The following EYS variants were observed in gnomAD, a reference collection of about 807,000 sequenced individuals.
EYS encodes EGF-like photoreceptor maintenance factor.
EYS carries 250 observed loss-of-function variants against 282.1 expected under a neutral mutation model. That is an observed-to-expected ratio of 0.89 (90% CI 0.80 to 0.98). EYS has a LOEUF of 0.98. Among genes scored for constraint, EYS ranks in the 50% least tolerant of loss-of-function variants. The pLI is 0.00. For missense variants in EYS, 4,016 were observed against 3,709.0 expected, an observed-to-expected ratio of 1.08 and a Z score of -2.15; for synonymous variants, 1,355 against 1,282.9, an observed-to-expected ratio of 1.06 and a Z score of -1.20.
chr6:64,764,342 C>T (rs573926385), intron 22 of EYS, among the ~76,000 whole-genome samples: 24 of 152,334 alleles, frequency 1.6e-4, no homozygotes, highest in Non-Finnish European at 2.5e-4. Flanking sequence ...CCCAACACCA[C>T]GTGGAAGCTG....
intron 40 of EYS, among the ~76,000 whole-genome samples, chr6:63,765,041 G>A (rs1449087976): frequency 1.3e-5 from 2 of 150,394 alleles, no homozygotes; most frequent in Non-Finnish European, 1.5e-5. Context: ...ATACTACTCT[G>A]CCCTGAGGAG....
At chr6:65,522,227 T>C (rs1767400743) in intron 2 of EYS, among the ~76,000 whole-genome samples, 1 of 152,190 alleles carries the variant, frequency 6.6e-6, no homozygotes, top group African/African-American at 2.4e-5. Context: ...GAAAATAAGA[T>C]TCTATATATT....
intron 26 of EYS, among the ~76,000 whole-genome samples, chr6:64,462,002 A>T (rs943725740): frequency 4.6e-5 from 7 of 152,256 alleles, no homozygotes; most frequent in African/African-American, 1.7e-4. Flanking sequence ...TATATTACTT[A>T]TCTATATTAT....
intron 2 of EYS, among the ~76,000 whole-genome samples, chr6:65,568,352 T>A (rs1260281232): frequency 6.6e-6 from 1 of 151,238 alleles, no homozygotes; most frequent in East Asian, 2.0e-4. Flanking sequence ...AGCTTCCTCA[T>A]AACTCGTTGG....
At chr6:65,389,535 C>T (rs1765928466) in intron 7 of EYS, among the ~76,000 whole-genome samples, 1 of 152,098 alleles carries the variant, frequency 6.6e-6, no homozygotes, top group African/African-American at 2.4e-5. Context: ...AAGAGGGAGG[C>T]TATTGAAATG....
chr6:64,660,969 A>T (rs9354015), intron 22 of EYS, among the ~76,000 whole-genome samples: 2 of 152,126 alleles, frequency 1.3e-5, no homozygotes, highest in East Asian at 3.9e-4. Context: ...GAGGCATCAC[A>T]CTACCTGACT....
chr6:64,307,092 AG>A lies in EYS; in HGVS notation c.6079-11del, dbSNP rs769411613. 26 of 1,117,814 alleles carry A rather than the reference AG, an allele frequency of 2.3e-5. No individual in the cohort carries two copies. The highest frequency in any genetic ancestry group is 2.0e-4 in the Middle Eastern group (1 of 5,104). 69.2% of individuals were successfully genotyped at this position (1,117,814 alleles called of 1,614,324 possible). A position where few individuals can be genotyped will look rare whatever the true frequency, so the allele number is the denominator to read the frequency against. On this transcript the variant is annotated splice_polypyrimidine_tract_variant and intron_variant, in intron 29 of 42. Coordinates refer to ENST00000503581, the MANE Select transcript of EYS (RefSeq NM_001142800.2). ...TGACTGGTACAGGCATCTGAGAGAG[AG>A]AGAGAGAGAGAGAAGTAGAGATAAT...
chr6:64,271,988 C>T (rs900396028), intron 30 of EYS, among the ~76,000 whole-genome samples: 16 of 152,060 alleles, frequency 1.1e-4, no homozygotes, highest in Admixed American at 3.9e-4. Flanking sequence ...TACAGGCATG[C>T]GCCATCATGC....
intron 25 of EYS, among the ~76,000 whole-genome samples, chr6:64,592,483 T>A (rs1039437292): frequency 2.6e-5 from 4 of 152,194 alleles, no homozygotes; most frequent in African/African-American, 4.8e-5. Flanking sequence ...ACATTTCTAC[T>A]TAGAATACCC....
At chr6:65,460,225 C>T (rs993354935) in intron 5 of EYS, among the ~76,000 whole-genome samples, 2 of 150,996 alleles carry the variant, frequency 1.3e-5, no homozygotes, top group African/African-American at 4.8e-5. Flanking sequence ...GAGATAATCA[C>T]ATCTTTCTAA....
At chr6:64,148,274 A>G (rs1457797574) in intron 31 of EYS, among the ~76,000 whole-genome samples, 2 of 152,124 alleles carry the variant, frequency 1.3e-5, no homozygotes, top group Non-Finnish European at 2.9e-5. Context: ...TTTGTATCCT[A>G]CTTTGTATAT....
intron 2 of EYS, among the ~76,000 whole-genome samples, chr6:65,601,073 A>C (rs1056290038): frequency 1.3e-5 from 2 of 151,922 alleles, no homozygotes; most frequent in Non-Finnish European, 2.9e-5. Flanking sequence ...TGAATACTAA[A>C]GTTAAGTAAT....
At chr6:63,896,125 A>G (rs1773532460) in intron 35 of EYS, among the ~76,000 whole-genome samples, 1 of 152,040 alleles carries the variant, frequency 6.6e-6, no homozygotes, top group Non-Finnish European at 1.5e-5. Context: ...TCAGTCTCCA[A>G]CGATTTTTTA....
At chr6:63,777,372 C>T (rs1380589729) in intron 40 of EYS, among the ~76,000 whole-genome samples, 1 of 152,126 alleles carries the variant, frequency 6.6e-6, no homozygotes, top group Non-Finnish European at 1.5e-5. Context: ...TTTGACAAAT[C>T]TCTCTTTAGC....
chr6:65,409,898 A>G (rs1766909692), intron 5 of EYS, among the ~76,000 whole-genome samples: 1 of 152,120 alleles, frequency 6.6e-6, no homozygotes, highest in African/African-American at 2.4e-5. Context: ...TAAAATGTTC[A>G]GTGACCACAC....
intron 30 of EYS, among the ~76,000 whole-genome samples, chr6:64,301,245 C>T (rs1036686771): frequency 6.6e-6 from 1 of 152,288 alleles, no homozygotes; most frequent in Non-Finnish European, 1.5e-5. Flanking sequence ...GGCTTTGGCC[C>T]ACCTTGGGCC....
intron 29 of EYS, among the ~76,000 whole-genome samples, chr6:64,376,273 A>G (rs893081032): frequency 1.3e-5 from 2 of 152,126 alleles, no homozygotes; most frequent in African/African-American, 2.4e-5. Context: ...GGACAGGACA[A>G]CAGGAGCTTC....
intron 22 of EYS, among the ~76,000 whole-genome samples, chr6:64,755,493 TACATAC>T (rs1413620991): frequency 5.9e-4 from 19 of 32,472 alleles, no homozygotes; most frequent in South Asian, 1.3e-3. Context: ...CTTGAGAACA[TACATAC>T]ACACACACAC....
At chr6:64,684,445 C>T (rs766863516) in intron 22 of EYS, among the ~76,000 whole-genome samples, 3 of 151,896 alleles carry the variant, frequency 2.0e-5, no homozygotes, top group Non-Finnish European at 4.4e-5. Flanking sequence ...AAAAACACAA[C>T]TGAAGAGAAA....
Sources: gnomAD v4.1 joint callset for allele counts (sites outside exome capture counted in the v4.1 genomes callset) on GRCh38, gnomAD v4.1.1 for gene constraint, MANE v1.5 for transcripts, NCBI Gene and HGNC (gene_info 2026-07-23, HGNC 2026-07-21) for gene names.